BMPR1B: variants seen among roughly 807,000 people sequenced by gnomAD.
The protein encoded by BMPR1B is bone morphogenetic protein receptor type-1B.
A neutral mutation model predicts 59.1 loss-of-function variants in BMPR1B; 12 were observed. The observed-to-expected ratio is 0.20, with a 90% CI of 0.13 to 0.33. The LOEUF is 0.33. BMPR1B is among the 10% of genes least tolerant of loss of function. The pLI, the probability that BMPR1B is intolerant of heterozygous loss-of-function variation, is 1.00. For missense variants in BMPR1B, 550 were observed against 610.9 expected (o/e 0.90, Z 1.05); for synonymous variants, 237 against 207.3 (o/e 1.14, Z -1.23).
In BMPR1B at chr4:95,146,430, C is replaced by G. The variant is rs11722018; in HGVS notation, c.1077-2318C>G. Among the ~76,000 whole-genome samples, 396 of 152,224 alleles carry G rather than the reference C, an allele frequency of 2.6e-3. 2 individuals are homozygous for G. Among genetic ancestry groups the G allele is most frequent in the South Asian group, 0.02 (98 of 4,826 alleles). ...TACCTTTCATTTTTCTAATAGATAT[C>G]TCTACATCACACATTCCATTATCTT... On this transcript the variant is annotated intron_variant, in intron 10 of 12. Coordinates refer to ENST00000515059, the MANE Select transcript of BMPR1B (RefSeq NM_001203.3).
chr4:94,934,037 C>G (rs1209485491), intron 2 of BMPR1B, among the ~76,000 whole-genome samples: 1 of 152,108 alleles, frequency 6.6e-6, no homozygotes. Flanking sequence ...GCTGATGGCT[C>G]AAGGTGAACA....
Position 95,156,003 on chromosome 4 carries a change from T to C in BMPR1B, c.*1330T>C, listed in dbSNP as rs559562363. 1 of 152,298 alleles carries C rather than the reference T, an allele frequency of 6.6e-6. No homozygotes were observed. The highest frequency in any genetic ancestry group is 1.9e-4 in the East Asian group (1 of 5,178). 9.4% of individuals were successfully genotyped at this position (152,298 alleles called of 1,614,324 possible). A position where few individuals can be genotyped will look rare whatever the true frequency, so the allele number is the denominator to read the frequency against. On this transcript the variant is annotated 3_prime_UTR_variant, in exon 13 of 13. Transcript: ENST00000515059. ...TATCTTAGGTGATCATTTCACATCT[T>C]AGGAATGCCTACTCATTTTATTTTA...
intron 1 of BMPR1B, among the ~76,000 whole-genome samples, chr4:94,805,705 G>A (rs1411618597): frequency 6.6e-6 from 1 of 152,156 alleles, no homozygotes; most frequent in Non-Finnish European, 1.5e-5. Context: ...AGGGGGTATA[G>A]TGTCAAAGGA....
chr4:94,906,307 A>G (rs1216966433), intron 2 of BMPR1B, among the ~76,000 whole-genome samples: 3 of 152,006 alleles, frequency 2.0e-5, no homozygotes, highest in Non-Finnish European at 4.4e-5. Flanking sequence ...AATTAAAACC[A>G]TTTTTTGTTT....
chr4:95,047,914 T>G (rs1159682714), intron 3 of BMPR1B, among the ~76,000 whole-genome samples: 1 of 152,282 alleles, frequency 6.6e-6, no homozygotes, highest in African/African-American at 2.4e-5. Flanking sequence ...GTGAGCATAG[T>G]ACCCAGTAGT....
chr4:95,021,798 C>T (rs985916648), intron 3 of BMPR1B, among the ~76,000 whole-genome samples: 1 of 152,140 alleles, frequency 6.6e-6, no homozygotes, highest in Non-Finnish European at 1.5e-5. Flanking sequence ...ATTAATGCTG[C>T]TTGGAGATTG....
At chr4:95,148,702 T>A (rs1227066212) in intron 10 of BMPR1B, 46 bp from the exon 11 acceptor site, 1 of 1,584,838 alleles carries the variant, frequency 6.3e-7, no homozygotes, top group Admixed American at 1.7e-5. Context: ...TTCGTTTTTG[T>A]TGGTCCTCTT....
chr4:94,762,947 G>A (rs1239301954), intron 1 of BMPR1B, among the ~76,000 whole-genome samples: 1 of 150,660 alleles, frequency 6.6e-6, no homozygotes, highest in Admixed American at 6.6e-5. Flanking sequence ...TTTTACTTTT[G>A]AATTTCAGAC....
intron 10 of BMPR1B, among the ~76,000 whole-genome samples, chr4:95,136,492 CT>C (rs1205486443): frequency 1.4e-4 from 21 of 152,274 alleles, no homozygotes; most frequent in African/African-American, 5.1e-4. Flanking sequence ...ATGGTACCAG[CT>C]CCTCTTTGTA....
chr4:94,897,713 C>A (rs933154479), intron 2 of BMPR1B, among the ~76,000 whole-genome samples: 2 of 151,850 alleles, frequency 1.3e-5, no homozygotes, highest in African/African-American at 4.8e-5. Flanking sequence ...ATAAGATGTT[C>A]AGCCAAGAAG....
chr4:94,991,579 C>T (rs766005996), intron 2 of BMPR1B, among the ~76,000 whole-genome samples: 7 of 152,082 alleles, frequency 4.6e-5, no homozygotes, highest in African/African-American at 4.8e-5. Context: ...TCTGCAAGAA[C>T]ATATAGCAAA....
rs1240599436 is a variant in BMPR1B, at chr4:95,157,028, A to G, written c.*2355A>G. On this transcript the variant is annotated 3_prime_UTR_variant, in exon 13 of 13. Coordinates refer to ENST00000515059, the MANE Select transcript of BMPR1B (RefSeq NM_001203.3). ...CTTTTTGGTAAATACTTGAACGTGG[A>G]TAACGTCAAATCAGAATATTTTGTG... is the stretch of plus-strand genomic sequence containing the variant. 2 of 152,178 alleles carry G rather than the reference A, an allele frequency of 1.3e-5. No individual in the cohort carries two copies. The highest frequency in any genetic ancestry group is 2.9e-5 in the Non-Finnish European group (2 of 68,000). The allele number at this position is 152,178 out of a possible 1,614,324, so 9.4% of individuals were successfully genotyped here. A position where few individuals can be genotyped will look rare whatever the true frequency, so the allele number is the denominator to read the frequency against.
At chr4:94,983,451 T>C (rs1182356841) in intron 2 of BMPR1B, among the ~76,000 whole-genome samples, 2 of 152,190 alleles carry the variant, frequency 1.3e-5, no homozygotes, top group Non-Finnish European at 2.9e-5. Context: ...TTTGGTAATA[T>C]TCATAATTAC....
chr4:94,840,944 G>T (rs1217318561), intron 1 of BMPR1B, among the ~76,000 whole-genome samples: 1 of 146,824 alleles, frequency 6.8e-6, no homozygotes, highest in Non-Finnish European at 1.5e-5. Context: ...GGTTTTTGGT[G>T]TGGATGTCCT....
In BMPR1B at chr4:95,080,520, G is replaced by A. The variant is rs986932399; in HGVS notation, c.-17-23888G>A. Among the ~76,000 whole-genome samples the A allele has an allele frequency of 2.0e-5, 3 of 152,130 alleles. No individual in the cohort carries two copies. In the South Asian group the frequency reaches 6.2e-4, roughly 32 times the overall value. ...TAAAGTGCTGGGATTACAGGCGTGA[G>A]CCACCACACCTGGCCTAAAATATTT... On this transcript the variant is annotated intron_variant, in intron 3 of 12. Transcript: ENST00000515059.
intron 2 of BMPR1B, among the ~76,000 whole-genome samples, chr4:94,977,137 T>C (rs1267818208): frequency 6.6e-6 from 1 of 152,230 alleles, no homozygotes; most frequent in East Asian, 1.9e-4. Flanking sequence ...CCTTACATTT[T>C]TGAAATAATC....
chr4:95,098,253 T>A (rs1387519851), intron 3 of BMPR1B, among the ~76,000 whole-genome samples: 1 of 152,184 alleles, frequency 6.6e-6, no homozygotes, highest in Non-Finnish European at 1.5e-5. Context: ...TATTTCAGCA[T>A]CATAATTACC....
intron 3 of BMPR1B, among the ~76,000 whole-genome samples, chr4:95,022,570 T>A (rs893222542): frequency 6.6e-6 from 1 of 152,152 alleles, no homozygotes; most frequent in Non-Finnish European, 1.5e-5. Flanking sequence ...CTTTGCTATT[T>A]ATATTTATAT....
chr4:94,797,032 A>G (rs923017322), intron 1 of BMPR1B, among the ~76,000 whole-genome samples: 3 of 152,170 alleles, frequency 2.0e-5, no homozygotes, highest in African/African-American at 7.2e-5. Flanking sequence ...CTGGGAAGAA[A>G]AAGAGGTTTA....
Sources: gnomAD v4.1 joint callset for allele counts (sites outside exome capture counted in the v4.1 genomes callset) on GRCh38, gnomAD v4.1.1 for gene constraint, MANE v1.5 for transcripts, NCBI Gene and HGNC (gene_info 2026-07-23, HGNC 2026-07-21) for gene names.